The following CAMTA2 variants were observed in gnomAD, a reference collection of about 807,000 sequenced individuals.
CAMTA2 encodes the protein calmodulin-binding transcription activator 2.
In CAMTA2, 56 loss-of-function variants were observed where a neutral mutation model predicts 135.7. The ratio of observed to expected loss-of-function variants is 0.41; its 90% CI spans 0.33 to 0.52. CAMTA2 has a LOEUF of 0.52. Ranked by LOEUF, CAMTA2 falls within the 20% of genes least tolerant of loss-of-function variation. The pLI, the probability that CAMTA2 is intolerant of heterozygous loss-of-function variation, is 0.16. For missense variants in CAMTA2, 1,358 were observed against 1,553.4 expected (o/e 0.87, Z 2.11); for synonymous variants, 591 against 604.6 (o/e 0.98, Z 0.33).
chr17:4,983,071 C>A, intron 3 of CAMTA2, 28 bp from the exon 4 acceptor site: 1 of 1,589,094 alleles, frequency 6.3e-7, no homozygotes, highest in Non-Finnish European at 8.6e-7. Context: ...CTCAGCTGGG[C>A]ATCTCCTTCA....
intron 3 of CAMTA2, among the ~76,000 whole-genome samples, chr17:4,984,921 G>A (rs1973167280): frequency 6.6e-6 from 1 of 152,114 alleles, no homozygotes; most frequent in Non-Finnish European, 1.5e-5. Context: ...GGAGGCTGAG[G>A]CAGGAGAATG....
rs1240950781 is a variant in CAMTA2, at chr17:4,982,956, A to G, written c.203+20T>C. The G allele has an allele frequency of 3.1e-6, 5 of 1,614,104 alleles. No individual in the cohort carries two copies. The highest frequency in any genetic ancestry group is 4.2e-6 in the Non-Finnish European group (5 of 1,179,976). On this transcript the variant is annotated intron_variant, in intron 4 of 22. Transcript: ENST00000348066. ...AACCCAGGACCCCTGCCACTCCCCC[A>G]TGTTCTCAAACTTTCTCACCTTGTC...
intron 15 of CAMTA2, 40 bp from the exon 16 acceptor site, chr17:4,972,576 C>T (rs540209729): frequency 9.5e-6 from 15 of 1,579,252 alleles, no homozygotes; most frequent in South Asian, 3.4e-5. Flanking sequence ...GCCGGAGCCA[C>T]GGCCATCCCT....
At position 4,985,990 on chromosome 17, in the gene CAMTA2, G is replaced by A. The variant is rs1314934635; in HGVS notation, c.32-7C>T. 3.1e-6 allele frequency: 5 copies of A among 1,594,410 alleles called. No individual in the cohort carries two copies. The highest frequency in any genetic ancestry group is 1.7e-5 in the Admixed American group (1 of 59,994). On this transcript the variant is annotated splice_region_variant and splice_polypyrimidine_tract_variant and intron_variant, in intron 2 of 22. Transcript: ENST00000348066. ...TTCAGGTGGTGGCTGTTTTCTAAAG[G>A]GAATTAGAAGGGAGGGTTTAGTGTG...
chr17:4,986,030 C>T, intron 2 of CAMTA2, 47 bp from the exon 3 acceptor site: 4 of 1,397,090 alleles, frequency 2.9e-6, no homozygotes, highest in Non-Finnish European at 4.1e-6. Context: ...CCTGGGGCAT[C>T]CCTGTGATAG....
intron 11 of CAMTA2, 186 bp from the exon 12 acceptor site, chr17:4,974,686 G>A: frequency 1.8e-6 from 1 of 552,398 alleles, no homozygotes; most frequent in Non-Finnish European, 3.3e-6. Context: ...CTTAAACTAG[G>A]GCTGTTAATA....
At chr17:4,974,538 C>G (rs1337324444) in intron 11 of CAMTA2, 38 bp from the exon 12 acceptor site, 1 of 1,273,072 alleles carries the variant, frequency 7.9e-7, no homozygotes, top group Admixed American at 1.7e-5. Context: ...AGTGGGCAGT[C>G]TAGGTGATGC....
Position 4,977,164 on chromosome 17 carries a change from C to G in CAMTA2, c.1794G>C (p.Gln598His). Residue 598 changes from glutamine to histidine, a missense_variant, in exon 11 of 23, where the codon CAG becomes CAC. By Grantham distance (24) the Gln-to-His change is conservative. Around this residue, in one of 4 missense-constraint regions of CAMTA2, gnomAD observed 1,077 missense variants for 1,127.5 expected, o/e 0.96. Transcript: ENST00000348066. ...PAHEVGLVSL[Q>H]VAGREGPLSA... ...AAAGGGGCCCCTCCCGCCCTGCCAC[C>G]TGCAAAGACACCAGCCCTACCTCAT... 6.2e-7 allele frequency: 1 copy of G among 1,614,058 alleles called. No homozygotes were observed. The highest frequency in any genetic ancestry group is 8.5e-7 in the Non-Finnish European group (1 of 1,179,984).
At chr17:4,987,398 G>A in intron 1 of CAMTA2, 195 bp downstream of exon 1, 1 of 1,369,548 alleles carries the variant, frequency 7.3e-7, no homozygotes, top group Non-Finnish European at 9.4e-7. Flanking sequence ...ACAGTCCCCG[G>A]CACGCGCTGG....
In CAMTA2 at chr17:4,978,556, G is replaced by A. The variant is rs544824440; in HGVS notation, c.1713C>T (p.Ile571=). Residue 571 remains isoleucine, a synonymous_variant, in exon 10 of 23, where the codon ATC becomes ATT. Coordinates refer to ENST00000348066, the MANE Select transcript of CAMTA2 (RefSeq NM_015099.4). ...AEHYSCVFDH[I]AVPASLVQPG... ...GCTGGACAAGTGAGGCTGGCACTGC[G>A]ATGTGATCAAAGACACAGGAGTAAT... 3.8e-5 allele frequency: 62 copies of A among 1,614,152 alleles called. No homozygotes were observed. The highest frequency in any genetic ancestry group is 5.3e-5 in the African/African-American group (4 of 75,054).
chr17:4,972,632 G>T (rs1046120504), intron 15 of CAMTA2, 96 bp from the exon 16 acceptor site: 1 of 1,466,430 alleles, frequency 6.8e-7, no homozygotes, highest in Non-Finnish European at 9.5e-7. Flanking sequence ...GTCCCCGTCT[G>T]TTCTTGCTTC....
chr17:4,979,541 G>C (rs1188401349), intron 9 of CAMTA2, 143 bp downstream of exon 9: 4 of 493,568 alleles, frequency 8.1e-6, no homozygotes. Flanking sequence ...AGAGAGATTA[G>C]GTAGAGGACT....
chr17:4,972,933 C>A lies in CAMTA2; in HGVS notation c.2339G>T (p.Arg780Leu), dbSNP rs141179219. ...EAAVLLFRWN[R>L]QALSIPDSLG... Reference sequence around the variant, plus strand: ...AGAGTCGGGAATGCTCAGTGCCTGTCGGTTCCAACGGAAAAGGAGCACAGC... The same window carrying A: ...AGAGTCGGGAATGCTCAGTGCCTGTAGGTTCCAACGGAAAAGGAGCACAGC... The change falls in exon 15 of 23, where the codon CGA (arginine) becomes CTA (leucine). Residue 780 changes from arginine (R) to leucine (L), a missense_variant. Transcript: ENST00000348066. 2 of 1,613,618 alleles carry A rather than the reference C, an allele frequency of 1.2e-6. No homozygotes were observed. Among genetic ancestry groups the A allele is most frequent in the African/African-American group, 2.7e-5 (2 of 74,914 alleles).
chr17:4,987,637 C>A lies in CAMTA2; in HGVS notation c.-109G>T, dbSNP rs118153295. 70,726 of 1,524,574 alleles carry A rather than the reference C, an allele frequency of 0.046. 2,750 individuals are homozygous for A. Among genetic ancestry groups the A allele is most frequent in the East Asian group, 0.21 (8,380 of 39,386 alleles). 94.4% of individuals were successfully genotyped at this position (1,524,574 alleles called of 1,614,324 possible). On this transcript the variant is annotated 5_prime_UTR_variant, in exon 1 of 23. Transcript: ENST00000348066. ...GACGGCGGCAGCGGCCATTCTACCCCACACCGACCCCCCCCAGCGCCGGCT... is the reference window on the plus strand; with the variant it reads ...GACGGCGGCAGCGGCCATTCTACCCAACACCGACCCCCCCCAGCGCCGGCT...
Position 4,969,150 on chromosome 17 carries a change from T to C in CAMTA2, c.3470A>G (p.Lys1157Arg). Reference protein sequence around the residue: ...RTSATLPARNKGSFLTKKQDQ... With the variant: ...RTSATLPARNRGSFLTKKQDQ... ...ACAGAGGGCTGGGGCTGGGCCCTAC[T>C]TGTTGCGGGCAGGCAGGGTGGCCGA... Residue 1157 changes from lysine (K) to arginine (R), a missense_variant and splice_region_variant, in exon 21 of 23, where the codon AAA becomes AGA. Physicochemically the swap from Lys to Arg is conservative, Grantham distance 26. Around this residue, in one of 4 missense-constraint regions of CAMTA2, gnomAD observed 167 missense variants for 207.0 expected, o/e 0.81. Coordinates refer to ENST00000348066, the MANE Select transcript of CAMTA2 (RefSeq NM_015099.4). This position sits in a 1 kb window ranked among gnomAD's most constrained non-coding sequence, Gnocchi z 5.6. 6.2e-7 allele frequency: 1 copy of C among 1,605,376 alleles called. No homozygotes were observed. Among genetic ancestry groups the C allele is most frequent in the South Asian group, 1.1e-5 (1 of 90,492 alleles).
At chr17:4,977,920 G>T (rs1022571872) in intron 10 of CAMTA2, among the ~76,000 whole-genome samples, 5 of 152,208 alleles carry the variant, frequency 3.3e-5, no homozygotes, top group African/African-American at 1.2e-4. Flanking sequence ...GTTCTATATC[G>T]TCACTATCCA....
chr17:4,979,714 T>C lies in CAMTA2; in HGVS notation c.1608A>G (p.Thr536=), dbSNP rs1212277368. The C allele has an allele frequency of 2.5e-6, 4 of 1,613,800 alleles. No individual in the cohort carries two copies. Among genetic ancestry groups the C allele is most frequent in the East Asian group, 2.2e-5 (1 of 44,868 alleles). ...PQLSPALSTI[T]DFSPEWSYPE... ...GGTAGGACCACTCTGGGGAGAAGTC[T>C]GTGATGGTGCTAAGAGCAGGAGACA... The change falls in exon 9 of 23, where the codon ACA becomes ACG. Residue 536 remains threonine, a synonymous_variant. Coordinates refer to ENST00000348066, the MANE Select transcript of CAMTA2 (RefSeq NM_015099.4).
At position 4,982,907 on chromosome 17, in the gene CAMTA2, G is replaced by T; in HGVS notation, c.204-15C>A. On this transcript the variant is annotated splice_polypyrimidine_tract_variant and intron_variant, in intron 4 of 22. Coordinates refer to ENST00000348066, the MANE Select transcript of CAMTA2 (RefSeq NM_015099.4). ...CATTCTGAGGCCTGGGAAGGGAAGG[G>T]TTGCCCTGGAGTTCTGTGAACAGAA... 1 of 1,614,152 alleles carries T rather than the reference G, an allele frequency of 6.2e-7. No individual in the cohort carries two copies. The highest frequency in any genetic ancestry group is 8.5e-7 in the Non-Finnish European group (1 of 1,180,032).
At chr17:4,973,302 G>C in intron 13 of CAMTA2, 49 bp from the exon 14 acceptor site, 1 of 1,467,422 alleles carries the variant, frequency 6.8e-7, no homozygotes. Context: ...GGAAAAAGTG[G>C]GCAAAGCAGG....
Sources: allele counts gnomAD v4.1 joint callset (sites outside exome capture counted in the v4.1 genomes callset), GRCh38; gene constraint gnomAD v4.1.1; regional missense constraint gnomAD v4.1.1; non-coding constraint Gnocchi (gnomAD v3.1); transcripts MANE v1.5; gene names NCBI Gene and HGNC (gene_info 2026-07-23, HGNC 2026-07-21).